Variants in PLD1 observed in about 807,000 individuals in gnomAD.
PLD1 encodes choline phosphatase 1.
A neutral mutation model predicts 137.1 loss-of-function variants in PLD1; 112 were observed. That is an observed-to-expected ratio of 0.82 (90% CI 0.70 to 0.96). The LOEUF is 0.96. Ranked by LOEUF, PLD1 falls within the 40% of genes least tolerant of loss-of-function variation. PLD1 has a pLI of 0.00. For missense variants in PLD1, 1,321 were observed against 1,342.0 expected (o/e 0.98, Z 0.24); for synonymous variants, 431 against 454.7 (o/e 0.95, Z 0.66).
At chr3:171,617,492 C>G (rs145850074) in intron 24 of PLD1, among the ~76,000 whole-genome samples, 2 of 151,894 alleles carry the variant, frequency 1.3e-5, no homozygotes, top group African/African-American at 4.8e-5. Context: ...GTTTTACTCA[C>G]GTTTCGCATC....
chr3:171,761,726 C>G (rs1721408663), intron 1 of PLD1, among the ~76,000 whole-genome samples: 1 of 152,184 alleles, frequency 6.6e-6, no homozygotes, highest in African/African-American at 2.4e-5. Flanking sequence ...TGACCAGCAC[C>G]TGGGCTCATT....
At chr3:171,638,928 T>C (rs976647504) in intron 23 of PLD1, among the ~76,000 whole-genome samples, 3 of 152,122 alleles carry the variant, frequency 2.0e-5, no homozygotes, top group African/African-American at 7.2e-5. Context: ...AAAGAATTCA[T>C]GCCTTTTGAT....
At chr3:171,714,190 A>T (rs1717496038) in intron 8 of PLD1, 145 bp from the exon 9 acceptor site, 2 of 560,416 alleles carry the variant, frequency 3.6e-6, no homozygotes, top group Admixed American at 3.5e-5. Context: ...ATTTTTTTTA[A>T]TCGCTATGAA....
chr3:171,808,522 C>G (rs998895909), intron 1 of PLD1, among the ~76,000 whole-genome samples: 2 of 151,936 alleles, frequency 1.3e-5, no homozygotes, highest in African/African-American at 2.4e-5. Context: ...GGCGACAGAG[C>G]GAGACTCCGT....
At chr3:171,692,469 A>AATGAGT (rs771889853) in intron 12 of PLD1, 27 bp from the exon 13 acceptor site, 2 of 1,005,046 alleles carry the variant, frequency 2.0e-6, no homozygotes, top group South Asian at 2.6e-5. Flanking sequence ...CCGATGGAGG[A>AATGAGT]ATGAGTATCT....
chr3:171,631,474 C>T lies in PLD1; in HGVS notation c.2594-10954G>A, dbSNP rs370204268. The stretch of plus-strand genomic sequence containing the variant: ...ATAGGTTTGTGTGTGTGTACAAAGG[C>T]CCAAAGTAGTGATATTCTAGTAGCA... On this transcript the variant is annotated intron_variant, in intron 23 of 26. Transcript: ENST00000351298. 7.2e-5 allele frequency among the ~76,000 whole-genome samples: 11 copies of T among 152,168 alleles called. No individual in the cohort carries two copies. In the South Asian group the frequency reaches 8.3e-4, roughly 11 times the overall value.
chr3:171,776,933 A>G (rs1160514454), intron 1 of PLD1, among the ~76,000 whole-genome samples: 1 of 152,206 alleles, frequency 6.6e-6, no homozygotes, highest in Non-Finnish European at 1.5e-5. Flanking sequence ...TCTCAAGGTT[A>G]ACTAGATAAC....
intron 19 of PLD1, among the ~76,000 whole-genome samples, chr3:171,662,891 G>A (rs902534829): frequency 3.5e-4 from 53 of 152,300 alleles, no homozygotes; most frequent in Non-Finnish European, 2.2e-4. Context: ...GTGTCACAGA[G>A]GTACTAGCAT....
intron 8 of PLD1, among the ~76,000 whole-genome samples, chr3:171,720,305 A>AAAAG (rs1553833011): frequency 3.3e-5 from 5 of 150,926 alleles, no homozygotes; most frequent in Admixed American, 2.0e-4. Flanking sequence ...AAAAAAAAAA[A>AAAAG]AAAAAAAAGG....
At chr3:171,743,560 C>A (rs982427459) in intron 1 of PLD1, among the ~76,000 whole-genome samples, 2 of 152,198 alleles carry the variant, frequency 1.3e-5, no homozygotes, top group Non-Finnish European at 2.9e-5. Flanking sequence ...CCTTGGCATC[C>A]CCATAGCGCT....
intron 1 of PLD1, among the ~76,000 whole-genome samples, chr3:171,777,430 CT>C (rs1489834802): frequency 1.3e-5 from 2 of 152,164 alleles, no homozygotes; most frequent in Admixed American, 1.3e-4. Context: ...GGAACAAGCC[CT>C]TGATGATTTA....
At chr3:171,613,111 A>T (rs1320188646) in intron 24 of PLD1, among the ~76,000 whole-genome samples, 1 of 152,194 alleles carries the variant, frequency 6.6e-6, no homozygotes, top group African/African-American at 2.4e-5. Flanking sequence ...TCAAATTTGC[A>T]GTGGGCTGTA....
chr3:171,790,454 TA>T (rs1723170743), intron 1 of PLD1, among the ~76,000 whole-genome samples: 1 of 152,188 alleles, frequency 6.6e-6, no homozygotes, highest in Non-Finnish European at 1.5e-5. Context: ...AGAAAGACAC[TA>T]AAGAATCTCA....
At chr3:171,675,444 A>G (rs1713249569) in intron 18 of PLD1, among the ~76,000 whole-genome samples, 1 of 152,204 alleles carries the variant, frequency 6.6e-6, no homozygotes, top group African/African-American at 2.4e-5. Flanking sequence ...TTTAGTTTGA[A>G]TACCCGGAAA....
At chr3:171,732,695 C>A (rs1401070462) in intron 6 of PLD1, among the ~76,000 whole-genome samples, 5 of 152,186 alleles carry the variant, frequency 3.3e-5, no homozygotes, top group Non-Finnish European at 7.3e-5. Flanking sequence ...GCCCCCATAA[C>A]CATACAATTC....
intron 1 of PLD1, among the ~76,000 whole-genome samples, chr3:171,774,808 G>T (rs1346372349): frequency 6.6e-6 from 1 of 152,192 alleles, no homozygotes; most frequent in African/African-American, 2.4e-5. Flanking sequence ...AGGGCAGGGT[G>T]GTGGGAGGAG....
intron 1 of PLD1, among the ~76,000 whole-genome samples, chr3:171,796,287 AG>A (rs1330486136): frequency 6.6e-6 from 1 of 152,232 alleles, no homozygotes; most frequent in African/African-American, 2.4e-5. Context: ...ATAGCCAAAG[AG>A]ATGTTTAAAT....
rs1731936761 is a variant in PLD1 at position 171,603,064 on chromosome 3, C to T, written c.*14G>A. The T allele has an allele frequency of 1.9e-6, 3 of 1,588,056 alleles. No individual in the cohort carries two copies. Among genetic ancestry groups the T allele is most frequent in the Non-Finnish European group, 8.6e-7 (1 of 1,158,116 alleles). On this transcript the variant is annotated 3_prime_UTR_variant, in exon 27 of 27. Coordinates refer to ENST00000351298, the MANE Select transcript of PLD1 (RefSeq NM_002662.5). ...CTCCAGGGTGGAAGTCTTTGAGCTG[C>T]CAATGAATATCTCTTAAGTCCAAAC...
At chr3:171,764,904 G>A (rs755695678) in intron 1 of PLD1, among the ~76,000 whole-genome samples, 1,117 of 27,306 alleles carry the variant, frequency 0.041, 137 homozygotes, top group Non-Finnish European at 0.048. Context: ...AGGAAGGAAG[G>A]AAGGAAGGAA....
Sources: allele counts gnomAD v4.1 joint callset (sites outside exome capture counted in the v4.1 genomes callset), GRCh38; gene constraint gnomAD v4.1.1; transcripts MANE v1.5; gene names NCBI Gene and HGNC (gene_info 2026-07-23, HGNC 2026-07-21).